The following C1GALT1 variants were observed in gnomAD, a reference collection of about 807,000 sequenced individuals.
C1GALT1 encodes the protein core 1 synthase, glycoprotein-N-acetylgalactosamine 3-beta-galactosyltransferase 1.
Under a neutral mutation model 31.0 loss-of-function variants are expected in C1GALT1, and 11 were observed. The ratio of observed to expected loss-of-function variants is 0.36; its 90% CI spans 0.22 to 0.59. The LOEUF is 0.59. Ranked by LOEUF, C1GALT1 falls within the 20% of genes least tolerant of loss-of-function variation. The pLI is 0.79. For synonymous variants in C1GALT1, 175 were observed against 143.6 expected (o/e 1.22, Z -1.56); for missense variants, 424 against 425.2 (o/e 1.00, Z 0.03).
intron 1 of C1GALT1, chr7:7,209,448 G>T (rs949016866): frequency 1.3e-5 from 2 of 152,166 alleles, no homozygotes; most frequent in Non-Finnish European, 1.5e-5. Flanking sequence ...AGTGCTTCCA[G>T]TATTAAATAG....
At chr7:7,173,428 C>G (rs1191211034) in intron 2 of C1GALT1, among the ~76,000 whole-genome samples, 1 of 152,066 alleles carries the variant, frequency 6.6e-6, no homozygotes, top group African/African-American at 2.4e-5. Flanking sequence ...TATAAATTAC[C>G]CAGTCTTGGG....
At chr7:7,158,237 T>A (rs1055244194) in intron 2 of C1GALT1, among the ~76,000 whole-genome samples, 1 of 152,108 alleles carries the variant, frequency 6.6e-6, no homozygotes, top group Non-Finnish European at 1.5e-5. Context: ...TAGGGTGGGG[T>A]TAGGAAGAGT....
intron 2 of C1GALT1, among the ~76,000 whole-genome samples, chr7:7,168,686 T>C (rs1357244936): frequency 1.3e-5 from 2 of 152,238 alleles, no homozygotes; most frequent in Non-Finnish European, 1.5e-5. Flanking sequence ...AAATGTGGTA[T>C]TTTTAAAAAG....
At chr7:7,194,197 C>T (rs1168190312) in intron 1 of C1GALT1, among the ~76,000 whole-genome samples, 4 of 152,110 alleles carry the variant, frequency 2.6e-5, no homozygotes, top group African/African-American at 9.7e-5. Flanking sequence ...CTGGCTAGGA[C>T]TTCCAGTACT....
At position 7,240,400 on chromosome 7, in the gene C1GALT1, G is replaced by A. The variant is rs76307967; in HGVS notation, c.888+1478G>A. 7.0e-3 allele frequency among the ~76,000 whole-genome samples: 1,061 copies of A among 152,224 alleles called. 9 individuals are homozygous for A. Among genetic ancestry groups the A allele is most frequent in the African/African-American group, 0.024 (1,007 of 41,544 alleles). ...TAATCAGCTTTAAAAGGAAACTTTT[G>A]ATAGTCTGTTTTTCTATTTTAGTGA... On this transcript the variant is annotated intron_variant, in intron 3 of 3. Transcript: ENST00000436587.
intron 1 of C1GALT1, among the ~76,000 whole-genome samples, chr7:7,224,611 A>G (rs1015518736): frequency 6.6e-6 from 1 of 152,072 alleles, no homozygotes; most frequent in Admixed American, 6.5e-5. Context: ...CTAACTTGTC[A>G]AATTTATACG....
intron 1 of C1GALT1, among the ~76,000 whole-genome samples, chr7:7,220,616 G>C (rs985302446): frequency 3.3e-5 from 5 of 152,230 alleles, no homozygotes; most frequent in Non-Finnish European, 4.4e-5. Context: ...CCACCTCCTG[G>C]GTTCAAGAGA....
chr7:7,240,364 C>G (rs1783570242), intron 3 of C1GALT1, among the ~76,000 whole-genome samples: 1 of 152,162 alleles, frequency 6.6e-6, no homozygotes, highest in African/African-American at 2.4e-5. Flanking sequence ...ACATCTGACC[C>G]AAGCTTTAGG....
At chr7:7,236,326 T>C (rs1783348748) in intron 2 of C1GALT1, among the ~76,000 whole-genome samples, 1 of 152,182 alleles carries the variant, frequency 6.6e-6, no homozygotes, top group South Asian at 2.1e-4. Context: ...AAACCTGTCT[T>C]ACCTGAATGA....
chr7:7,235,658 A>G (rs1387966927), intron 2 of C1GALT1, among the ~76,000 whole-genome samples: 1 of 152,114 alleles, frequency 6.6e-6, no homozygotes, highest in Non-Finnish European at 1.5e-5. Flanking sequence ...TGGCCTACAA[A>G]ATGTGGGGTA....
chr7:7,172,818 A>G (rs997516869), intron 2 of C1GALT1, among the ~76,000 whole-genome samples: 15 of 152,210 alleles, frequency 9.9e-5, no homozygotes, highest in African/African-American at 3.4e-4. Context: ...ATCATTATCA[A>G]GCAAAGTCCA....
chr7:7,196,731 T>C (rs1241348151), intron 1 of C1GALT1, among the ~76,000 whole-genome samples: 1 of 152,200 alleles, frequency 6.6e-6, no homozygotes, highest in Non-Finnish European at 1.5e-5. Flanking sequence ...ACCTGTTGTT[T>C]CTTGACTTTT....
chr7:7,175,771 G>C (rs4510751), intron 2 of C1GALT1, among the ~76,000 whole-genome samples: 1 of 151,722 alleles, frequency 6.6e-6, no homozygotes, highest in African/African-American at 2.4e-5. Context: ...GCAAGTCCAA[G>C]ATCCACATTC....
At chr7:7,166,351 A>G (rs1780392289) in intron 2 of C1GALT1, among the ~76,000 whole-genome samples, 1 of 152,232 alleles carries the variant, frequency 6.6e-6, no homozygotes, top group Non-Finnish European at 1.5e-5. Flanking sequence ...GATAAACATA[A>G]CAATATGGTT....
intron 2 of C1GALT1, among the ~76,000 whole-genome samples, chr7:7,161,091 G>A (rs2128226349): frequency 6.6e-6 from 1 of 152,188 alleles, no homozygotes; most frequent in African/African-American, 2.4e-5. Context: ...GTACTGACAT[G>A]TATTTTGCAC....
chr7:7,238,744 C>G lies in C1GALT1; in HGVS notation c.710C>G (p.Ser237Cys), dbSNP rs1258947889. 3 of 1,613,792 alleles carry G rather than the reference C, an allele frequency of 1.9e-6. No homozygotes were observed. Among genetic ancestry groups the G allele is most frequent in the African/African-American group, 1.3e-5 (1 of 75,012 alleles). ...ACAGACAAGTGTACACATAGTTCCT[C>G]CATTGAAGACTTAGCACTGGGGAGA... ...FKTDKCTHSSSIEDLALGRCM... is the reference protein window; with the variant it reads ...FKTDKCTHSSCIEDLALGRCM... Residue 237 changes from serine to cysteine, a missense_variant, in exon 3 of 4, where the codon TCC (serine) becomes TGC (cysteine). Ser to Cys is a moderately radical substitution (Grantham distance 112, BLOSUM62 -1). This residue lies in a region of C1GALT1 where 191 missense variants were observed against 188.8 expected (regional missense o/e 1.01). Coordinates refer to ENST00000436587, the MANE Select transcript of C1GALT1 (RefSeq NM_020156.5). This position sits in a 1 kb window ranked among gnomAD's most constrained non-coding sequence, Gnocchi z 5.2.
At chr7:7,220,122 T>C (rs1040485450) in intron 1 of C1GALT1, among the ~76,000 whole-genome samples, 1 of 152,198 alleles carries the variant, frequency 6.6e-6, no homozygotes, top group Admixed American at 6.5e-5. Flanking sequence ...AAGAGGGGAA[T>C]GTGCTAAAGA....
At chr7:7,220,242 G>A (rs1782450138) in intron 1 of C1GALT1, among the ~76,000 whole-genome samples, 1 of 152,124 alleles carries the variant, frequency 6.6e-6, no homozygotes, top group Non-Finnish European at 1.5e-5. Context: ...GAAAGTTATG[G>A]TAAATTAATT....
intron 1 of C1GALT1, among the ~76,000 whole-genome samples, chr7:7,226,144 C>T (rs867339357): frequency 2.0e-5 from 3 of 152,166 alleles, no homozygotes; most frequent in South Asian, 4.2e-4. Context: ...CTCACATGTA[C>T]TATATTTGTA....
Sources: gnomAD v4.1 joint callset for allele counts (sites outside exome capture counted in the v4.1 genomes callset) on GRCh38, gnomAD v4.1.1 for gene constraint, gnomAD v4.1.1 regional missense constraint, Gnocchi (gnomAD v3.1) non-coding constraint, MANE v1.5 for transcripts, NCBI Gene and HGNC (gene_info 2026-07-23, HGNC 2026-07-21) for gene names.